LAMA4: variants seen among roughly 807,000 people sequenced by gnomAD.
The protein encoded by LAMA4 is laminin subunit alpha 4.
LAMA4 carries 127 observed loss-of-function variants against 207.1 expected under a neutral mutation model. The ratio of observed to expected loss-of-function variants is 0.61; its 90% CI spans 0.53 to 0.71. The LOEUF (loss-of-function observed/expected upper bound fraction) is 0.71, where lower values mean the gene tolerates loss of function less well. Among genes scored for constraint, LAMA4 ranks in the 30% least tolerant of loss-of-function variants. The probability of loss-of-function intolerance (pLI) is 0.00; values close to 1 mark genes in which losing one functional copy is unlikely to be tolerated. For missense variants in LAMA4, 2,093 were observed against 2,246.5 expected (o/e 0.93, Z 1.38); for synonymous variants, 761 against 816.0 (o/e 0.93, Z 1.15).
chr6:112,227,820 A>C (rs1785307499), intron 2 of LAMA4, among the ~76,000 whole-genome samples: 1 of 152,178 alleles, frequency 6.6e-6, no homozygotes, highest in Admixed American at 6.5e-5. Flanking sequence ...AGTGGCTACT[A>C]AATCTGATTT....
At chr6:112,147,930 T>A (rs960494709) in intron 18 of LAMA4, among the ~76,000 whole-genome samples, 29 of 152,226 alleles carry the variant, frequency 1.9e-4, no homozygotes, top group Admixed American at 1.2e-3. Context: ...TCTTTACCAA[T>A]CCATCTAGTG....
chr6:112,150,384 G>C, intron 17 of LAMA4, 127 bp downstream of exon 17: 1 of 788,484 alleles, frequency 1.3e-6, no homozygotes, highest in Non-Finnish European at 2.3e-6. Flanking sequence ...AACGTATTTT[G>C]TCATCAGAAA....
Position 112,132,951 on chromosome 6 carries a change from A to C in LAMA4, c.3697-61T>G. On this transcript the variant is annotated intron_variant, in intron 27 of 38. Coordinates refer to ENST00000230538, the MANE Select transcript of LAMA4 (RefSeq NM_001105206.3). The stretch of plus-strand genomic sequence containing the variant: ...GAATTATCAAATGCTTAAAACTATC[A>C]ATGTTTCACATACGGAAGGCCTTGC... The C allele has an allele frequency of 2.6e-6, 4 of 1,525,982 alleles. No individual in the cohort carries two copies. The South Asian group carries it at 4.5e-5, about 17-fold the overall frequency. The allele number at this position is 1,525,982 out of a possible 1,614,324, so 94.5% of individuals were successfully genotyped here.
chr6:112,177,833 C>CA (rs1466361234), intron 10 of LAMA4, among the ~76,000 whole-genome samples: 1 of 152,192 alleles, frequency 6.6e-6, no homozygotes, highest in Non-Finnish European at 1.5e-5. Flanking sequence ...AGAGACACCA[C>CA]AGCATGCAAT....
intron 37 of LAMA4, among the ~76,000 whole-genome samples, 176 bp from the exon 38 acceptor site, chr6:112,114,371 G>C (rs1237756144): frequency 1.3e-5 from 2 of 152,148 alleles, no homozygotes; most frequent in African/African-American, 2.4e-5. Context: ...AGAGATTACT[G>C]TAACATTTTC....
chr6:112,133,211 T>A (rs1270450004), intron 27 of LAMA4, 138 bp downstream of exon 27: 2 of 945,186 alleles, frequency 2.1e-6, no homozygotes, highest in African/African-American at 3.2e-5. Context: ...TCTAGCTTAA[T>A]GGTTCTTCTT....
At chr6:112,149,071 A>G (rs546180282) in intron 17 of LAMA4, among the ~76,000 whole-genome samples, 1 of 142,106 alleles carries the variant, frequency 7.0e-6, no homozygotes, top group South Asian at 2.2e-4. Context: ...ACAATTATAA[A>G]TTTGAAGTTA....
chr6:112,192,892 G>T (rs2237237), intron 5 of LAMA4, among the ~76,000 whole-genome samples: 32,958 of 152,196 alleles, frequency 0.22, 4,872 homozygotes, highest in African/African-American at 0.41. Flanking sequence ...GCCTTGAGAG[G>T]ATGAAGGACC....
At chr6:112,141,642 G>A (rs1779701633) in intron 20 of LAMA4, 139 bp from the exon 21 acceptor site, 2 of 711,866 alleles carry the variant, frequency 2.8e-6, no homozygotes, top group African/African-American at 1.8e-5. Context: ...CGAAGCTCCT[G>A]TGAGCAGGCA....
At chr6:112,182,135 T>C (rs1274348289) in intron 9 of LAMA4, among the ~76,000 whole-genome samples, 2 of 136,026 alleles carry the variant, frequency 1.5e-5, no homozygotes, top group African/African-American at 5.5e-5. Context: ...TAAATAAATA[T>C]TATATACAGA....
chr6:112,156,926 AT>A (rs34162580), intron 14 of LAMA4, among the ~76,000 whole-genome samples: 4 of 150,932 alleles, frequency 2.7e-5, no homozygotes, highest in East Asian at 1.9e-4. Flanking sequence ...CAGCGTTTTC[AT>A]TTTTTTTTCA....
intron 2 of LAMA4, chr6:112,216,689 C>G (rs1270172558): frequency 1.8e-6 from 1 of 541,230 alleles, no homozygotes; most frequent in African/African-American, 1.9e-5. Context: ...AACTTTTTCC[C>G]TCCTTTCACT....
At chr6:112,146,420 A>G (rs575081255) in intron 18 of LAMA4, among the ~76,000 whole-genome samples, 9 of 152,180 alleles carry the variant, frequency 5.9e-5, no homozygotes, top group Non-Finnish European at 1.3e-4. Context: ...CCAGACAAGC[A>G]GCAGCAGCAT....
chr6:112,225,634 TTA>T (rs2115104101), intron 2 of LAMA4, among the ~76,000 whole-genome samples: 2 of 152,298 alleles, frequency 1.3e-5, no homozygotes, highest in East Asian at 3.9e-4. Flanking sequence ...TTCTGAACTG[TTA>T]TAAACTTACT....
At chr6:112,136,342 C>A in intron 24 of LAMA4, 88 bp from the exon 25 acceptor site, 1 of 1,012,922 alleles carries the variant, frequency 9.9e-7, no homozygotes, top group South Asian at 1.3e-5. Flanking sequence ...AGACTGTATT[C>A]TTTATTACTG....
rs150727064 is a variant in LAMA4, at chr6:112,185,248, A to G, written c.1066T>C (p.Leu356=). 1.5e-5 allele frequency: 24 copies of G among 1,600,584 alleles called. No individual in the cohort carries two copies. In the East Asian group the frequency reaches 4.9e-4, roughly 33 times the overall value. The part of the protein sequence containing the change: ...MKSLLSDVEE[L]VEKENQASRK... ...ACATACATACGTACCTTTTCAACTA[A>G]TTCCTCTACGTCAGACAGAAGGCTT... Residue 356 remains leucine, a synonymous_variant, in exon 9 of 39, where the codon TTA becomes CTA. Coordinates refer to ENST00000230538, the MANE Select transcript of LAMA4 (RefSeq NM_001105206.3).
chr6:112,133,299 A>G, intron 27 of LAMA4, 50 bp downstream of exon 27: 3 of 1,596,884 alleles, frequency 1.9e-6, no homozygotes, highest in Non-Finnish European at 2.6e-6. Context: ...AGCTTTTGAG[A>G]GTGATAAGTA....
At chr6:112,236,022 A>C (rs943926744) in intron 2 of LAMA4, 1 of 152,192 alleles carries the variant, frequency 6.6e-6, no homozygotes, top group Non-Finnish European at 1.5e-5. Flanking sequence ...GTAAACATGG[A>C]TATATTCTTG....
chr6:112,140,385 A>G (rs1479741325), intron 22 of LAMA4, among the ~76,000 whole-genome samples: 1 of 152,092 alleles, frequency 6.6e-6, no homozygotes, highest in African/African-American at 2.4e-5. Flanking sequence ...TCATACCTGT[A>G]TTAGGTGAGA....
Sources: allele counts gnomAD v4.1 joint callset (sites outside exome capture counted in the v4.1 genomes callset), GRCh38; gene constraint gnomAD v4.1.1; transcripts MANE v1.5; gene names NCBI Gene and HGNC (gene_info 2026-07-23, HGNC 2026-07-21).